The following ASAP2 variants were observed in gnomAD, a reference collection of about 807,000 sequenced individuals.
ASAP2 encodes the protein ArfGAP with SH3 domain, ankyrin repeat and PH domain 2.
A neutral mutation model predicts 131.4 loss-of-function variants in ASAP2; 45 were observed. That is an observed-to-expected ratio of 0.34 (90% confidence interval 0.27 to 0.44). The LOEUF (loss-of-function observed/expected upper bound fraction) is 0.44. ASAP2 is among the 20% of genes least tolerant of loss of function. The pLI, the probability that ASAP2 is intolerant of heterozygous loss-of-function variation, is 1.00. For synonymous variants in ASAP2, 510 were observed against 503.0 expected (o/e 1.01, Z -0.19); for missense variants, 1,011 against 1,297.0 (o/e 0.78, Z 3.39).
intron 1 of ASAP2, among the ~76,000 whole-genome samples, chr2:9,223,992 GT>G (rs1317470224): frequency 6.6e-6 from 1 of 152,204 alleles, no homozygotes; most frequent in Non-Finnish European, 1.5e-5. Context: ...CATGAAAATA[GT>G]TTTTGAACTT....
intron 1 of ASAP2, among the ~76,000 whole-genome samples, chr2:9,254,598 T>C (rs1253698135): frequency 7.0e-6 from 1 of 143,358 alleles, no homozygotes; most frequent in East Asian, 2.1e-4. Flanking sequence ...GGTCTCGAAC[T>C]CCTGACCCCA....
At chr2:9,354,249 C>T (rs969863126) in intron 12 of ASAP2, among the ~76,000 whole-genome samples, 1 of 152,208 alleles carries the variant, frequency 6.6e-6, no homozygotes, top group African/African-American at 2.4e-5. Context: ...GGCAGGTTAG[C>T]GGCCAGTAGA....
chr2:9,308,866 T>G (rs1017945050), intron 3 of ASAP2, among the ~76,000 whole-genome samples: 16 of 152,196 alleles, frequency 1.1e-4, no homozygotes, highest in African/African-American at 3.6e-4. Flanking sequence ...AAGGGCCCTG[T>G]GTCATCTGGT....
chr2:9,215,636 C>G (rs1260054747), intron 1 of ASAP2, among the ~76,000 whole-genome samples: 2 of 149,304 alleles, frequency 1.3e-5, no homozygotes, highest in African/African-American at 4.9e-5. Context: ...CAGAGAATTC[C>G]AGGCTTGATG....
intron 27 of ASAP2, 71 bp from the exon 28 acceptor site, chr2:9,403,182 A>G (rs1246564721): frequency 8.8e-6 from 12 of 1,364,114 alleles, no homozygotes; most frequent in African/African-American, 1.4e-5. Flanking sequence ...CAAACGCTCT[A>G]TGTAATGCTC....
At chr2:9,326,471 C>T (rs1337908088) in intron 6 of ASAP2, among the ~76,000 whole-genome samples, 2 of 126,548 alleles carry the variant, frequency 1.6e-5, no homozygotes, top group Non-Finnish European at 3.4e-5. Context: ...GCGGAGAAGG[C>T]GTGAGAAGAT....
rs148995137 is a variant in ASAP2, at chr2:9,370,164, G to A, written c.1556+1645G>A. 2.1e-3 allele frequency among the ~76,000 whole-genome samples: 318 copies of A among 152,210 alleles called. 3 individuals are homozygous for A. The highest frequency in any genetic ancestry group is 2.3e-3 in the Admixed American group (35 of 15,286). On this transcript the variant is annotated intron_variant, in intron 16 of 27. Coordinates refer to ENST00000281419, the MANE Select transcript of ASAP2 (RefSeq NM_003887.3). ...AGATTTTTTTTAACCATTTTGTGTG[G>A]CATGTCTTTGAGAAACGGAGATTGC... is the stretch of plus-strand genomic sequence containing the variant.
At chr2:9,382,263 C>T (rs188313052) in intron 20 of ASAP2, among the ~76,000 whole-genome samples, 55 of 152,172 alleles carry the variant, frequency 3.6e-4, no homozygotes, top group African/African-American at 1.3e-3. Context: ...GGATTATAGG[C>T]GTGAGCCACC....
chr2:9,317,944 C>G (rs935181916), intron 3 of ASAP2, among the ~76,000 whole-genome samples: 3 of 152,222 alleles, frequency 2.0e-5, no homozygotes, highest in East Asian at 3.8e-4. Flanking sequence ...TACACACCCA[C>G]AACACCCTCA....
intron 1 of ASAP2, among the ~76,000 whole-genome samples, chr2:9,243,227 GC>G (rs1413632020): frequency 6.6e-6 from 1 of 152,144 alleles, no homozygotes; most frequent in Non-Finnish European, 1.5e-5. Context: ...TCCTGCCTCA[GC>G]CTCCCAAGTA....
rs576295793 is a variant in ASAP2, at chr2:9,268,621, G to A, written c.127-10696G>A. On this transcript the variant is annotated intron_variant, in intron 1 of 27. Coordinates refer to ENST00000281419, the MANE Select transcript of ASAP2 (RefSeq NM_003887.3). The surrounding 1 kb of genome is among the most constrained non-coding windows in gnomAD (Gnocchi z 4.1). Reference sequence around the variant, plus strand: ...TGTTACTTTCTGAAGAGTCGAATGCGTGGTGAGACAAAGCTGCCATCTGAA... The same window carrying A: ...TGTTACTTTCTGAAGAGTCGAATGCATGGTGAGACAAAGCTGCCATCTGAA... Among the ~76,000 whole-genome samples, 8 of 152,338 alleles carry A rather than the reference G, an allele frequency of 5.3e-5. No individual in the cohort carries two copies. In the South Asian group the frequency reaches 1.2e-3, roughly 24 times the overall value.
chr2:9,207,004 G>C lies in ASAP2; in HGVS notation c.-101G>C. On this transcript the variant is annotated 5_prime_UTR_variant, in exon 1 of 28. Coordinates refer to ENST00000281419, the MANE Select transcript of ASAP2 (RefSeq NM_003887.3). This position sits in a 1 kb window ranked among gnomAD's most constrained non-coding sequence, Gnocchi z 4.1. ...TCCCCTTTGTCCGCGGGCCGGAGCG[G>C]CGGCGGCAGCGGCGGTGTCCGAGCG... is the stretch of plus-strand genomic sequence containing the variant. The C allele has an allele frequency of 1.9e-6, 2 of 1,054,802 alleles. No individual in the cohort carries two copies. Among genetic ancestry groups the C allele is most frequent in the Non-Finnish European group, 2.3e-6 (2 of 870,328 alleles). 65.3% of individuals were successfully genotyped at this position (1,054,802 alleles called of 1,614,324 possible).
chr2:9,323,337 C>T, intron 6 of ASAP2, 87 bp downstream of exon 6: 1 of 1,544,860 alleles, frequency 6.5e-7, no homozygotes, highest in Non-Finnish European at 8.7e-7. Flanking sequence ...GTACCAGCGG[C>T]TTCAGAGAAA....
At chr2:9,299,603 A>C (rs942892584) in intron 3 of ASAP2, among the ~76,000 whole-genome samples, 27 of 152,196 alleles carry the variant, frequency 1.8e-4, no homozygotes, top group African/African-American at 6.0e-4. Flanking sequence ...CAAGAGGATC[A>C]TGGCGAAGGG....
chr2:9,213,617 G>T (rs967844689), intron 1 of ASAP2, among the ~76,000 whole-genome samples: 3 of 152,154 alleles, frequency 2.0e-5, no homozygotes, highest in Non-Finnish European at 4.4e-5. Context: ...GAGGTAGCAG[G>T]GGGGGTGGTG....
At chr2:9,344,372 A>G (rs1430016221) in intron 9 of ASAP2, among the ~76,000 whole-genome samples, 160 bp from the exon 10 acceptor site, 1 of 152,122 alleles carries the variant, frequency 6.6e-6, no homozygotes. Context: ...CTAGAGCAGA[A>G]TCTGATGTCC....
chr2:9,283,918 C>A (rs59939019), intron 2 of ASAP2, among the ~76,000 whole-genome samples: 5,725 of 152,240 alleles, frequency 0.038, 259 homozygotes, highest in African/African-American at 0.1. Context: ...TTCCCGATGG[C>A]CCCATCTCCA....
chr2:9,308,822 T>A (rs1032684601), intron 3 of ASAP2, among the ~76,000 whole-genome samples: 2 of 152,218 alleles, frequency 1.3e-5, no homozygotes, highest in Non-Finnish European at 2.9e-5. Flanking sequence ...CGGCACATAC[T>A]TCTCAGAGTA....
intron 1 of ASAP2, among the ~76,000 whole-genome samples, chr2:9,230,824 C>T (rs1403459688): frequency 6.6e-6 from 1 of 152,172 alleles, no homozygotes; most frequent in Non-Finnish European, 1.5e-5. Flanking sequence ...TTGATGAAAA[C>T]AGTGGTTTGG....
Sources: allele counts gnomAD v4.1 joint callset (sites outside exome capture counted in the v4.1 genomes callset), GRCh38; gene constraint gnomAD v4.1.1; non-coding constraint Gnocchi (gnomAD v3.1); transcripts MANE v1.5; gene names NCBI Gene and HGNC (gene_info 2026-07-23, HGNC 2026-07-21).